The following IL17RE variants were observed in gnomAD, a reference collection of about 807,000 sequenced individuals.
The protein encoded by IL17RE is interleukin 17 receptor E, also known as interleukin-17 receptor E.
A neutral mutation model predicts 70.7 loss-of-function variants in IL17RE; 47 were observed. That is an observed-to-expected ratio of 0.67 (90% confidence interval 0.53 to 0.85). The LOEUF is 0.85. Among genes scored for constraint, IL17RE ranks in the 40% least tolerant of loss-of-function variants. IL17RE has a pLI of 0.00. For missense variants in IL17RE, 850 were observed against 893.9 expected (o/e 0.95, Z 0.63); for synonymous variants, 372 against 381.2 (o/e 0.98, Z 0.28).
intron 12 of IL17RE, among the ~76,000 whole-genome samples, chr3:9,912,515 C>G (rs1044702028): frequency 6.6e-6 from 1 of 152,208 alleles, no homozygotes; most frequent in African/African-American, 2.4e-5. Flanking sequence ...TAACTAGGAG[C>G]ACTTTATCAG....
intron 2 of IL17RE, 97 bp from the exon 3 acceptor site, chr3:9,903,935 C>A: frequency 1.4e-6 from 2 of 1,453,860 alleles, no homozygotes; most frequent in Non-Finnish European, 1.9e-6. Flanking sequence ...AGTCATACTT[C>A]CAGGATGTGA....
At position 9,915,332 on chromosome 3, in the gene IL17RE, A is replaced by T; in HGVS notation, c.1529A>T (p.Glu510Val). The T allele has an allele frequency of 7.2e-7, 1 of 1,397,302 alleles. No homozygotes were observed. The highest frequency in any genetic ancestry group is 1.6e-5 in the South Asian group (1 of 62,446). The allele number at this position is 1,397,302 out of a possible 1,614,324, so 86.6% of individuals were successfully genotyped here. The change falls in exon 16 of 16, where the codon GAA (glutamate) becomes GTA (valine). Residue 510 changes from glutamate (E) to valine (V), a missense_variant. By Grantham distance (121) the Glu-to-Val change is moderately radical (BLOSUM62 -2). Transcript: ENST00000383814. The surrounding 1 kb of genome is among the most constrained non-coding windows in gnomAD (Gnocchi z 4.9). The part of the protein sequence containing the change: ...AQRRLVGALA[E>V]LLRAALGGGR... The stretch of plus-strand genomic sequence containing the variant: ...CGGCGCCTGGTGGGAGCGCTGGCTG[A>T]ACTGCTACGGGCAGCGCTGGGCGGC...
Position 9,911,570 on chromosome 3 carries a change from G to A in IL17RE, c.1200G>A (p.Leu400=). ...TCCCAGGCTTGGGGCAGGACACTTT[G>A]GTGCCCCCCGTGTACACTGTCAGCC... ...WSLPGLGQDT[L]VPPVYTVSQA... is the part of the protein sequence containing the mutation. Residue 400 remains leucine (L), a synonymous_variant, in exon 12 of 16, where the codon TTG becomes TTA. Transcript: ENST00000383814. The A allele has an allele frequency of 2.5e-6, 4 of 1,614,040 alleles. No homozygotes were observed. The highest frequency in any genetic ancestry group is 1.7e-6 in the Non-Finnish European group (2 of 1,179,916).
chr3:9,914,679 T>G lies in IL17RE; in HGVS notation c.1349T>G (p.Val450Gly), dbSNP rs1442454370. ...FAWKHLLCPD[V>G]SYRHLGLLIL... Reference sequence around the variant, plus strand: ...CTTGGCCTCATCCTGCTTGACTCAGTCTCTTACAGACACCTGGGGCTCTTG... The same window carrying G: ...CTTGGCCTCATCCTGCTTGACTCAGGCTCTTACAGACACCTGGGGCTCTTG... Residue 450 changes from valine to glycine, a missense_variant and splice_region_variant, in exon 15 of 16, where the codon GTC (valine) becomes GGC (glycine). Coordinates refer to ENST00000383814, the MANE Select transcript of IL17RE (RefSeq NM_153480.2). The G allele has an allele frequency of 2.5e-6, 4 of 1,614,092 alleles. No homozygotes were observed. Among genetic ancestry groups the G allele is most frequent in the Non-Finnish European group, 2.5e-6 (3 of 1,179,978 alleles).
At chr3:9,906,341 G>GT in intron 3 of IL17RE, 23 bp from the exon 4 acceptor site, 1 of 1,508,852 alleles carries the variant, frequency 6.6e-7, no homozygotes, top group South Asian at 1.1e-5. Flanking sequence ...GGGCTAGATA[G>GT]TAAGTACGTC....
chr3:9,913,885 C>G (rs2082949475), intron 12 of IL17RE, 71 bp from the exon 13 acceptor site: 8 of 1,262,728 alleles, frequency 6.3e-6, no homozygotes, highest in Non-Finnish European at 9.3e-6. Context: ...ACAGCAGGGG[C>G]AAAGACTCAA....
At position 9,906,996 on chromosome 3, in the gene IL17RE, C is replaced by G; in HGVS notation, c.562C>G (p.Arg188Gly). Reference protein sequence around the residue: ...EFSFDLLPEARAIRVTISSGP... With the variant: ...EFSFDLLPEAGAIRVTISSGP... Reference sequence around the variant, plus strand: ...CTCCTTTGATTTGCTGCCTGAGGCCCGGGCTATTCGGGTGACCATATCTTC... The same window carrying G: ...CTCCTTTGATTTGCTGCCTGAGGCCGGGGCTATTCGGGTGACCATATCTTC... Residue 188 changes from arginine (R) to glycine (G), a missense_variant, in exon 6 of 16, where the codon CGG becomes GGG. Transcript: ENST00000383814. 1.2e-6 allele frequency: 2 copies of G among 1,614,120 alleles called. No homozygotes were observed. Among genetic ancestry groups the G allele is most frequent in the Non-Finnish European group, 1.7e-6 (2 of 1,180,044 alleles).
chr3:9,913,884 G>A, intron 12 of IL17RE, 72 bp from the exon 13 acceptor site: 3 of 1,239,808 alleles, frequency 2.4e-6, no homozygotes, highest in Non-Finnish European at 3.6e-6. Flanking sequence ...AACAGCAGGG[G>A]CAAAGACTCA....
chr3:9,915,703 GC>G lies in IL17RE; in HGVS notation c.1902del (p.Thr635ProfsTer16). On this transcript the variant is annotated frameshift_variant, in exon 16 of 16. Coordinates refer to ENST00000383814, the MANE Select transcript of IL17RE (RefSeq NM_153480.2). LOFTEE classifies it low-confidence loss of function (END_TRUNC). This position sits in a 1 kb window ranked among gnomAD's most constrained non-coding sequence, Gnocchi z 4.9. The part of the protein sequence containing the change: ...RALDARPFAE[A>X]TSWGRLGARQ... ...GCTGGACGCGCGGCCTTTCGCAGAG[GC>G]CACCAGCTGGGGCCGCCTTGGGGCG... is the stretch of plus-strand genomic sequence containing the variant. The G allele has an allele frequency of 7.1e-7, 1 of 1,401,800 alleles. No individual in the cohort carries two copies. Among genetic ancestry groups the G allele is most frequent in the Non-Finnish European group, 9.2e-7 (1 of 1,087,770 alleles). 86.8% of individuals were successfully genotyped at this position (1,401,800 alleles called of 1,614,324 possible).
Position 9,906,592 on chromosome 3 carries a change from G to A in IL17RE, c.367-114G>A, listed in dbSNP as rs74629735. 6,197 of 1,394,948 alleles carry A rather than the reference G, an allele frequency of 4.4e-3. 203 individuals are homozygous for A. In the African/African-American group the frequency reaches 0.074, roughly 17 times the overall value. The allele number at this position is 1,394,948 out of a possible 1,614,324, so 86.4% of individuals were successfully genotyped here. ...AGTATTCTGTCTATTACACAGCTAG[G>A]GAGGCCAAAAGAGTTTGAGCAACTT... On this transcript the variant is annotated intron_variant, in intron 4 of 15. Coordinates refer to ENST00000383814, the MANE Select transcript of IL17RE (RefSeq NM_153480.2).
intron 8 of IL17RE, 87 bp downstream of exon 8, chr3:9,909,370 CACA>C: frequency 6.2e-6 from 7 of 1,133,786 alleles, no homozygotes; most frequent in Non-Finnish European, 9.2e-6. Context: ...CACACACACA[CACA>C]CCCCGCACTT....
chr3:9,907,166 G>T (rs2082779721), intron 6 of IL17RE, 66 bp downstream of exon 6: 1 of 1,591,874 alleles, frequency 6.3e-7, no homozygotes, highest in East Asian at 2.2e-5. Flanking sequence ...GCCACCCATT[G>T]TACAAATGAG....
Position 9,914,615 on chromosome 3 carries a change from G to T in IL17RE, c.1348+16G>T. On this transcript the variant is annotated intron_variant, in intron 14 of 15. Transcript: ENST00000383814. ...TGTCCGGATGGTGAGTTCTTGGGGA[G>T]GGGGAGGTAAGAGGGAGGCTGGGCA... is the stretch of plus-strand genomic sequence containing the variant. The T allele has an allele frequency of 6.2e-7, 1 of 1,613,420 alleles. No individual in the cohort carries two copies. The highest frequency in any genetic ancestry group is 8.5e-7 in the Non-Finnish European group (1 of 1,179,414).
Position 9,907,094 on chromosome 3 carries a change from T to G in IL17RE, c.660T>G (p.Asp220Glu). ...GTGAAGAGCTGAGCAGTCCCTATGA[T>G]GTCCAGGTATGGTGTGTCATCCCCC... ...LECEELSSPY[D>E]VQKIVSGGHT... The change falls in exon 6 of 16, where the codon GAT becomes GAG. Residue 220 changes from aspartate (D) to glutamate (E), a missense_variant. Transcript: ENST00000383814. 1 of 1,614,164 alleles carries G rather than the reference T, an allele frequency of 6.2e-7. No individual in the cohort carries two copies. Among genetic ancestry groups the G allele is most frequent in the Non-Finnish European group, 8.5e-7 (1 of 1,180,028 alleles).
chr3:9,914,943 G>C lies in IL17RE; in HGVS notation c.1447+166G>C, dbSNP rs1237089264. Among the ~76,000 whole-genome samples, 9 of 152,220 alleles carry C rather than the reference G, an allele frequency of 5.9e-5. No individual in the cohort carries two copies. The East Asian group carries it at 1.7e-3, about 29-fold the overall frequency. On this transcript the variant is annotated intron_variant, in intron 15 of 15. Coordinates refer to ENST00000383814, the MANE Select transcript of IL17RE (RefSeq NM_153480.2). ...GCAGGAATGGTTAAGGCAAGGCAAA[G>C]GGCCCTCTGAGCATATTGTCACTGT...
chr3:9,906,440 C>T lies in IL17RE; in HGVS notation c.345C>T (p.His115=). 6.2e-7 allele frequency: 1 copy of T among 1,613,244 alleles called. No individual in the cohort carries two copies. The highest frequency in any genetic ancestry group is 1.1e-5 in the South Asian group (1 of 91,048). The change falls in exon 4 of 16, where the codon CAC becomes CAT. Residue 115 remains histidine, a synonymous_variant. Coordinates refer to ENST00000383814, the MANE Select transcript of IL17RE (RefSeq NM_153480.2). ...KSSTFKFYRR[H]KMPAPAQRKL... The stretch of plus-strand genomic sequence containing the variant: ...CCACATTCAAGTTCTATAGGAGACA[C>T]AAGATGCCAGCACCTGCTCAGGTAC...
intron 3 of IL17RE, 81 bp downstream of exon 3, chr3:9,904,232 C>G: frequency 6.6e-7 from 1 of 1,508,104 alleles, no homozygotes; most frequent in Non-Finnish European, 9.2e-7. Context: ...GTGGGACTTA[C>G]TAGAACAGAT....
chr3:9,909,790 C>T lies in IL17RE; in HGVS notation c.802+507C>T, dbSNP rs141218021. 6.2e-3 allele frequency: 954 copies of T among 154,956 alleles called. 7 individuals are homozygous for T. Among genetic ancestry groups the T allele is most frequent in the Middle Eastern group, 0.017 (5 of 300 alleles). The allele number at this position is 154,956 out of a possible 1,614,324, so 9.6% of individuals were successfully genotyped here. A position where few individuals can be genotyped will look rare whatever the true frequency, so the allele number is the denominator to read the frequency against. On this transcript the variant is annotated intron_variant, in intron 8 of 15. Transcript: ENST00000383814. ...ACAAAAGTGACTCACATAAAGCAGC[C>T]TACAGAACTTACAGGGCAGGGTTAT...
At position 9,908,393 on chromosome 3, in the gene IL17RE, A is replaced by C. The variant is rs9873200; in HGVS notation, c.735+86A>C. The stretch of plus-strand genomic sequence containing the variant: ...CAGTTGGTCAAGTATATCTCCAGTA[A>C]ATTGGGTTTAAAAAGACTGAGTGTT... On this transcript the variant is annotated intron_variant, in intron 7 of 15. Transcript: ENST00000383814. The C allele has an allele frequency of 3.2e-3, 3,761 of 1,173,020 alleles. 83 individuals are homozygous for C. The African/African-American group carries it at 0.051, about 16-fold the overall frequency. 72.7% of individuals were successfully genotyped at this position (1,173,020 alleles called of 1,614,324 possible). A position where few individuals can be genotyped will look rare whatever the true frequency, so the allele number is the denominator to read the frequency against.
Sources: allele counts gnomAD v4.1 joint callset (sites outside exome capture counted in the v4.1 genomes callset), GRCh38; gene constraint gnomAD v4.1.1; non-coding constraint Gnocchi (gnomAD v3.1); transcripts MANE v1.5; gene names NCBI Gene and HGNC (gene_info 2026-07-23, HGNC 2026-07-21).